The following MYO5A variants were observed in gnomAD, a reference collection of about 807,000 sequenced individuals.
MYO5A encodes the protein myosin VA.
A neutral mutation model predicts 249.7 loss-of-function variants in MYO5A; 98 were observed. The ratio of observed to expected loss-of-function variants is 0.39; its 90% CI spans 0.33 to 0.46. The LOEUF (loss-of-function observed/expected upper bound fraction) is 0.46. MYO5A is among the 20% of genes least tolerant of loss of function. The pLI is 0.98. For missense variants in MYO5A, 1,696 were observed against 2,308.8 expected, an observed-to-expected ratio of 0.73 and a Z score of 5.44; for synonymous variants, 778 against 810.6, an observed-to-expected ratio of 0.96 and a Z score of 0.68.
intron 37 of MYO5A, 143 bp downstream of exon 37, chr15:52,323,212 C>T (rs543070744): frequency 2.1e-5 from 14 of 680,002 alleles, no homozygotes; most frequent in African/African-American, 2.0e-4. Flanking sequence ...AGATAGTGAA[C>T]ATCAAACAAA....
chr15:52,309,942 A>G lies in MYO5A; in HGVS notation c.*3754T>C, dbSNP rs1051286621. The stretch of plus-strand genomic sequence containing the variant: ...AGGTGCCCATTTTCCTAGGGTTACC[A>G]TGAAAGTTATTTCTCACAACAATCA... On this transcript the variant is annotated 3_prime_UTR_variant, in exon 42 of 42. Coordinates refer to ENST00000399233, the MANE Select transcript of MYO5A (RefSeq NM_001382347.1). The G allele has an allele frequency of 1.3e-5, 2 of 152,142 alleles. No individual in the cohort carries two copies. Among genetic ancestry groups the G allele is most frequent in the African/African-American group, 4.8e-5 (2 of 41,436 alleles). The allele number at this position is 152,142 out of a possible 1,614,324, so 9.4% of individuals were successfully genotyped here.
intron 4 of MYO5A, among the ~76,000 whole-genome samples, chr15:52,421,975 G>A (rs1484485357): frequency 6.6e-6 from 1 of 152,122 alleles, no homozygotes; most frequent in African/African-American, 2.4e-5. Flanking sequence ...CACTCACAGT[G>A]GAGAGAAAAT....
chr15:52,477,512 C>G (rs2076622512), intron 1 of MYO5A, among the ~76,000 whole-genome samples: 1 of 152,212 alleles, frequency 6.6e-6, no homozygotes. Flanking sequence ...TTCAGCTTTT[C>G]TGCTCTGATT....
At position 52,428,417 on chromosome 15, in the gene MYO5A, T is replaced by C. The variant is rs2141290182; in HGVS notation, c.291A>G (p.Lys97=). Reference sequence around the variant, plus strand: ...ACTTACCACAATACGTATAAATAAGTTTGGAATCAATAAAGCGGACTCTGA... The same window carrying C: ...ACTTACCACAATACGTATAAATAAGCTTGGAATCAATAAAGCGGACTCTGA... ...HNLRVRFIDS[K]LIYTYCGIVL... Residue 97 remains lysine (K), a synonymous_variant, in exon 3 of 42, where the codon AAA becomes AAG. Coordinates refer to ENST00000399233, the MANE Select transcript of MYO5A (RefSeq NM_001382347.1). The C allele has an allele frequency of 6.2e-7, 1 of 1,614,082 alleles. No homozygotes were observed. The highest frequency in any genetic ancestry group is 8.5e-7 in the Non-Finnish European group (1 of 1,179,948).
intron 21 of MYO5A, 101 bp from the exon 22 acceptor site, chr15:52,370,518 A>G (rs1316333012): frequency 7.9e-7 from 1 of 1,261,746 alleles, no homozygotes; most frequent in African/African-American, 1.5e-5. Context: ...CTATATCATC[A>G]TAACATTGAT....
intron 9 of MYO5A, among the ~76,000 whole-genome samples, chr15:52,404,736 G>C (rs1595610371): frequency 6.6e-6 from 1 of 152,166 alleles, no homozygotes; most frequent in Admixed American, 6.5e-5. Flanking sequence ...CCCCAGCAGG[G>C]AGAATCTGAG....
At chr15:52,524,681 C>T (rs2077697569) in intron 1 of MYO5A, among the ~76,000 whole-genome samples, 1 of 151,904 alleles carries the variant, frequency 6.6e-6, no homozygotes, top group Non-Finnish European at 1.5e-5. Context: ...AGTTTAAGAC[C>T]AGCCTGGGCA....
intron 40 of MYO5A, 28 bp downstream of exon 40, chr15:52,317,020 T>C (rs1315984161): frequency 6.2e-7 from 1 of 1,602,528 alleles, no homozygotes; most frequent in Admixed American, 1.7e-5. Context: ...AATGTTAAAT[T>C]ATTTTGTAAC....
Position 52,379,627 on chromosome 15 carries a change from G to A in MYO5A, c.2206C>T (p.Leu736=). The change falls in exon 18 of 42, where the codon CTG becomes TTG. Residue 736 remains leucine, a splice_region_variant and synonymous_variant. Transcript: ENST00000399233. ...ACGGTAAGCGAAATCATTCTCACCAGTATCAGTTTCTCTAACACATTCTTG... is the reference window on the plus strand; with the variant it reads ...ACGGTAAGCGAAATCATTCTCACCAATATCAGTTTCTCTAACACATTCTTG... The part of the protein sequence containing the change: ...TCKNVLEKLI[L]DKDKYQFGKT... The A allele has an allele frequency of 1.2e-6, 2 of 1,612,298 alleles. No homozygotes were observed. The highest frequency in any genetic ancestry group is 1.7e-6 in the Non-Finnish European group (2 of 1,178,314).
chr15:52,331,766 A>T (rs2038900527), intron 34 of MYO5A: 1 of 985,314 alleles, frequency 1.0e-6, no homozygotes, highest in Non-Finnish European at 1.2e-6. Flanking sequence ...CTGCAGCAGC[A>T]CACACTGGGA....
At chr15:52,341,124 C>A (rs2039363489) in intron 31 of MYO5A, among the ~76,000 whole-genome samples, 1 of 152,146 alleles carries the variant, frequency 6.6e-6, no homozygotes, top group Admixed American at 6.5e-5. Flanking sequence ...ACATTATAAA[C>A]TTCCAAATTA....
intron 34 of MYO5A, among the ~76,000 whole-genome samples, chr15:52,333,691 A>T: frequency 6.6e-6 from 1 of 152,134 alleles, no homozygotes; most frequent in South Asian, 2.1e-4. Context: ...ATATGCTAGC[A>T]TTTTTTTTAA....
rs150382654 is a variant in MYO5A at position 52,456,069 on chromosome 15, C to T, written c.28-22784G>A. 2.0e-4 allele frequency among the ~76,000 whole-genome samples: 31 copies of T among 152,072 alleles called. No individual in the cohort carries two copies. In the East Asian group the frequency reaches 3.5e-3, roughly 17 times the overall value. The stretch of plus-strand genomic sequence containing the variant: ...CTTATTATTTAGAAAACCCTAAAAA[C>T]GCCACCAAATAAAACTGTTAGAACT... On this transcript the variant is annotated intron_variant, in intron 1 of 41. Transcript: ENST00000399233.
intron 22 of MYO5A, among the ~76,000 whole-genome samples, chr15:52,368,717 C>T (rs1013210021): frequency 6.6e-5 from 10 of 152,192 alleles, no homozygotes; most frequent in African/African-American, 1.7e-4. Flanking sequence ...CCAGCCTACA[C>T]AACATAGGAA....
intron 1 of MYO5A, among the ~76,000 whole-genome samples, chr15:52,458,994 A>G (rs1262428061): frequency 6.6e-6 from 1 of 151,706 alleles, no homozygotes; most frequent in Admixed American, 6.6e-5. Flanking sequence ...AAAAATGTAA[A>G]AATTCTTTTT....
chr15:52,418,964 A>T (rs535980287), intron 4 of MYO5A, among the ~76,000 whole-genome samples: 2 of 152,224 alleles, frequency 1.3e-5, no homozygotes, highest in Admixed American at 6.5e-5. Context: ...CATACCAAAC[A>T]CTATTCATAT....
intron 34 of MYO5A, 104 bp downstream of exon 34, chr15:52,336,359 A>C: frequency 2.7e-6 from 2 of 733,356 alleles, no homozygotes; most frequent in Non-Finnish European, 4.8e-6. Flanking sequence ...TATTATCCCT[A>C]ATATTTGCAT....
At chr15:52,363,007 T>C (rs533014215) in intron 24 of MYO5A, among the ~76,000 whole-genome samples, 37 of 152,238 alleles carry the variant, frequency 2.4e-4, no homozygotes, top group Admixed American at 5.9e-4. Context: ...ACCTAGTAGA[T>C]TACCACATTT....
chr15:52,376,557 T>C lies in MYO5A; in HGVS notation c.2210A>G (p.Asp737Gly), dbSNP rs1246720134. ...CTTACCAAACTGGTATTTGTCCTTG[T>C]CCTATTTTTGGAAGAAATTGTATAT... is the stretch of plus-strand genomic sequence containing the variant. ...CKNVLEKLIL[D>G]KDKYQFGKTK... The change falls in exon 19 of 42, where the codon GAC becomes GGC. Residue 737 changes from aspartate to glycine, a missense_variant and splice_region_variant. By Grantham distance (94) the Asp-to-Gly change is moderately conservative (BLOSUM62 -1). This residue lies in a region of MYO5A where 277 missense variants were observed against 422.4 expected (regional missense o/e 0.66). Coordinates refer to ENST00000399233, the MANE Select transcript of MYO5A (RefSeq NM_001382347.1). 1 of 1,613,800 alleles carries C rather than the reference T, an allele frequency of 6.2e-7. No homozygotes were observed. The highest frequency in any genetic ancestry group is 1.1e-5 in the South Asian group (1 of 91,074).
Sources: gnomAD v4.1 joint callset for allele counts (sites outside exome capture counted in the v4.1 genomes callset) on GRCh38, gnomAD v4.1.1 for gene constraint, gnomAD v4.1.1 regional missense constraint, MANE v1.5 for transcripts, NCBI Gene and HGNC (gene_info 2026-07-23, HGNC 2026-07-21) for gene names.